BZW2: variants seen among roughly 807,000 people sequenced by gnomAD.
BZW2 encodes basic leucine zipper and W2 domains 2.
In BZW2, 23 loss-of-function variants were observed where a neutral mutation model predicts 53.2. That is an observed-to-expected ratio of 0.43 (90% CI 0.31 to 0.61). The LOEUF is 0.61. Among genes scored for constraint, BZW2 ranks in the 20% least tolerant of loss-of-function variants. The probability of loss-of-function intolerance (pLI) is 0.09; values close to 1 mark genes in which losing one functional copy is unlikely to be tolerated. For missense variants in BZW2, 409 were observed against 503.1 expected (o/e 0.81, Z 1.79); for synonymous variants, 227 against 186.4 (o/e 1.22, Z -1.77).
intron 1 of BZW2, 95 bp downstream of exon 1, chr7:16,646,383 G>C (rs1327667141): frequency 6.1e-6 from 1 of 163,174 alleles, no homozygotes; most frequent in Non-Finnish European, 1.4e-5. Context: ...AGGAGCTGGC[G>C]GGGAGGAAGC....
intron 3 of BZW2, among the ~76,000 whole-genome samples, chr7:16,677,908 CAAG>C (rs1782815614): frequency 1.3e-5 from 2 of 152,040 alleles, no homozygotes; most frequent in South Asian, 2.1e-4. Context: ...TCTATACATT[CAAG>C]AAGAACATAG....
chr7:16,653,868 G>GTTGGGGTTTTTTGTTTGTTTGAT (rs1191307909), intron 1 of BZW2, among the ~76,000 whole-genome samples: 3 of 152,066 alleles, frequency 2.0e-5, no homozygotes, highest in African/African-American at 4.8e-5. Context: ...TCTGTACTGT[G>GTTGGGGTTTTTTGTTTGTTTGAT]TTGGGGTTTT....
intron 6 of BZW2, among the ~76,000 whole-genome samples, chr7:16,688,071 G>T (rs1783185896): frequency 6.6e-6 from 1 of 151,542 alleles, no homozygotes; most frequent in Non-Finnish European, 1.5e-5. Context: ...TTCAAGGGAA[G>T]AAAATCAGGT....
At chr7:16,652,807 G>A (rs1192255267) in intron 1 of BZW2, among the ~76,000 whole-genome samples, 2 of 152,222 alleles carry the variant, frequency 1.3e-5, no homozygotes, top group East Asian at 1.9e-4. Context: ...TTACAGGCAT[G>A]AGCCACCATA....
At chr7:16,658,704 G>A (rs1220902770) in intron 1 of BZW2, among the ~76,000 whole-genome samples, 1 of 151,826 alleles carries the variant, frequency 6.6e-6, no homozygotes, top group African/African-American at 2.4e-5. Context: ...GTGAAACCCC[G>A]TCTGTACTAA....
intron 10 of BZW2, among the ~76,000 whole-genome samples, chr7:16,699,696 A>C (rs553378040): frequency 5.9e-5 from 9 of 152,280 alleles, no homozygotes; most frequent in African/African-American, 1.9e-4. Context: ...AATCACAAAG[A>C]ATCAGCAAAC....
At chr7:16,668,022 G>A (rs953955251) in intron 2 of BZW2, among the ~76,000 whole-genome samples, 2 of 152,208 alleles carry the variant, frequency 1.3e-5, no homozygotes, top group Non-Finnish European at 1.5e-5. Context: ...GACCAATATA[G>A]TTCAGAAACC....
chr7:16,700,413 A>G (rs1783630682), intron 10 of BZW2, among the ~76,000 whole-genome samples: 1 of 152,062 alleles, frequency 6.6e-6, no homozygotes, highest in Non-Finnish European at 1.5e-5. Flanking sequence ...CATGTATTTG[A>G]TTTGTTTCTG....
intron 1 of BZW2, among the ~76,000 whole-genome samples, chr7:16,656,567 A>T (rs199555103): frequency 7.3e-6 from 1 of 137,704 alleles, no homozygotes; most frequent in Non-Finnish European, 1.5e-5. Context: ...ACACACACAC[A>T]CACACACACA....
chr7:16,649,545 TG>T (rs1781940032), intron 1 of BZW2, among the ~76,000 whole-genome samples: 1 of 152,210 alleles, frequency 6.6e-6, no homozygotes, highest in Non-Finnish European at 1.5e-5. Context: ...TTAAAGACCC[TG>T]ATTTCCAGCT....
At chr7:16,660,970 T>C (rs967103398) in intron 1 of BZW2, among the ~76,000 whole-genome samples, 15 of 152,114 alleles carry the variant, frequency 9.9e-5, no homozygotes, top group Non-Finnish European at 1.9e-4. Flanking sequence ...AACAGCAGAA[T>C]TGAGTGGTTG....
intron 1 of BZW2, among the ~76,000 whole-genome samples, chr7:16,654,750 G>C (rs1158262208): frequency 1.3e-5 from 2 of 151,430 alleles, no homozygotes; most frequent in Non-Finnish European, 2.9e-5. Flanking sequence ...TGTTGCCCAG[G>C]CTTGTCTCAA....
chr7:16,669,184 G>T (rs1782526204), intron 2 of BZW2, among the ~76,000 whole-genome samples: 1 of 152,186 alleles, frequency 6.6e-6, no homozygotes, highest in African/African-American at 2.4e-5. Context: ...GGAGTTCAGT[G>T]GCGCAATCTC....
chr7:16,650,577 A>G (rs1781960358), intron 1 of BZW2, among the ~76,000 whole-genome samples: 1 of 152,134 alleles, frequency 6.6e-6, no homozygotes, highest in Admixed American at 6.5e-5. Flanking sequence ...AATTTTTTAA[A>G]CTGATTTTTT....
At chr7:16,651,226 T>C (rs1781977673) in intron 1 of BZW2, among the ~76,000 whole-genome samples, 1 of 152,248 alleles carries the variant, frequency 6.6e-6, no homozygotes, top group Non-Finnish European at 1.5e-5. Flanking sequence ...CATCTCAACT[T>C]ATTTTTATGC....
At chr7:16,699,613 A>T (rs763979450) in intron 10 of BZW2, among the ~76,000 whole-genome samples, 7 of 148,622 alleles carry the variant, frequency 4.7e-5, no homozygotes, top group Non-Finnish European at 7.5e-5. Context: ...TTTCTCACCA[A>T]TTTTTTTTTT....
At chr7:16,683,742 ATTTG>A (rs1364389693) in intron 5 of BZW2, among the ~76,000 whole-genome samples, 2 of 152,154 alleles carry the variant, frequency 1.3e-5, no homozygotes, top group South Asian at 2.1e-4. Flanking sequence ...CTTGTTTCAG[ATTTG>A]TTTGTTACTT....
At chr7:16,659,281 T>A (rs1782193922) in intron 1 of BZW2, among the ~76,000 whole-genome samples, 1 of 152,166 alleles carries the variant, frequency 6.6e-6, no homozygotes, top group Non-Finnish European at 1.5e-5. Flanking sequence ...ATACTACAAC[T>A]TTCATAGTAT....
intron 1 of BZW2, among the ~76,000 whole-genome samples, chr7:16,660,249 T>C (rs112069949): frequency 0.062 from 9,401 of 151,978 alleles, 701 homozygotes; most frequent in East Asian, 0.23. Flanking sequence ...CCTGTCTCTA[T>C]CAAAATATAT....
Sources: gnomAD v4.1 joint callset for allele counts (sites outside exome capture counted in the v4.1 genomes callset) on GRCh38, gnomAD v4.1.1 for gene constraint, MANE v1.5 for transcripts, NCBI Gene and HGNC (gene_info 2026-07-23, HGNC 2026-07-21) for gene names.